Variants in DEPDC5 observed in about 807,000 individuals in gnomAD.
DEPDC5 encodes DEP domain containing 5, GATOR1 subcomplex subunit.
In DEPDC5, 73 loss-of-function variants were observed where a neutral mutation model predicts 217.3. The ratio of observed to expected loss-of-function variants is 0.34; its 90% CI spans 0.28 to 0.41. The LOEUF is 0.41. Ranked by LOEUF, DEPDC5 falls within the 10% of genes least tolerant of loss-of-function variation. The pLI, the probability that DEPDC5 is intolerant of heterozygous loss-of-function variation, is 1.00. For missense variants in DEPDC5, 1,675 were observed against 2,070.1 expected (o/e 0.81, Z 3.70); for synonymous variants, 733 against 756.7 (o/e 0.97, Z 0.51).
chr22:31,806,236 A>C, intron 18 of DEPDC5, 45 bp downstream of exon 18: 1 of 1,545,958 alleles, frequency 6.5e-7, no homozygotes, highest in Non-Finnish European at 8.9e-7. Flanking sequence ...TATGTGGTCC[A>C]GTCTTATCTT....
intron 29 of DEPDC5, 52 bp downstream of exon 29, chr22:31,843,864 G>A (rs1176343840): frequency 1.3e-6 from 2 of 1,512,666 alleles, no homozygotes; most frequent in African/African-American, 1.4e-5. Context: ...GCAAGGATGT[G>A]TATGTGTATT....
chr22:31,790,617 A>G lies in DEPDC5; in HGVS notation c.625-1416A>G, dbSNP rs189895243. ...CTTGTTCCCTAGACCACAATTCTGC[A>G]GAAATTAAAAAACACTGTAGGCCTG... is the stretch of plus-strand genomic sequence containing the variant. On this transcript the variant is annotated intron_variant, in intron 10 of 42. Transcript: ENST00000651528. Among the ~76,000 whole-genome samples, 244 of 152,314 alleles carry G rather than the reference A, an allele frequency of 1.6e-3. 2 individuals are homozygous for G. Among genetic ancestry groups the G allele is most frequent in the Non-Finnish European group, 5.4e-4 (37 of 68,030 alleles).
In DEPDC5 at chr22:31,906,551, C is replaced by T. The variant is rs561427018; in HGVS notation, c.*54C>T. On this transcript the variant is annotated 3_prime_UTR_variant, in exon 43 of 43. Transcript: ENST00000651528. This position sits in a 1 kb window ranked among gnomAD's most constrained non-coding sequence, Gnocchi z 5.1. ...GTGGGTGAGCCACTGCCCTCAAACCCGGGGCGGAGGATTCCAGGCAGGCTC... is the reference window on the plus strand; with the variant it reads ...GTGGGTGAGCCACTGCCCTCAAACCTGGGGCGGAGGATTCCAGGCAGGCTC... The T allele has an allele frequency of 9.4e-6, 15 of 1,590,998 alleles. No individual in the cohort carries two copies. The highest frequency in any genetic ancestry group is 1.3e-5 in the African/African-American group (1 of 74,706).
chr22:31,827,176 C>T (rs2090219566), intron 24 of DEPDC5, among the ~76,000 whole-genome samples: 1 of 152,004 alleles, frequency 6.6e-6, no homozygotes, highest in South Asian at 2.1e-4. Flanking sequence ...TTTCCCAGTC[C>T]CTTTATGTAA....
chr22:31,754,013 C>T (rs1217591859), upstream of DEPDC5: 1 of 149,452 alleles, frequency 6.7e-6, no homozygotes, highest in Non-Finnish European at 1.5e-5. Context: ...GCTACACGGT[C>T]GGGGCGGGCC....
chr22:31,798,267 A>G (rs949875049), intron 13 of DEPDC5, among the ~76,000 whole-genome samples: 5 of 152,042 alleles, frequency 3.3e-5, no homozygotes, highest in Non-Finnish European at 7.4e-5. Flanking sequence ...GTGATGTCTC[A>G]TGCCTGTAAT....
At position 31,837,040 on chromosome 22, in the gene DEPDC5, C is replaced by G. The variant is rs376699517; in HGVS notation, c.2239C>G (p.Leu747Val). Reference protein sequence around the residue: ...CCTVGVDWKSLTTPACLPLTT... With the variant: ...CCTVGVDWKSVTTPACLPLTT... The stretch of plus-strand genomic sequence containing the variant: ...CACAGTTGGAGTGGACTGGAAGTCT[C>G]TCACTACTCCGGCGTGCCTCCCCCT... Residue 747 changes from leucine (L) to valine (V), a missense_variant, in exon 26 of 43, where the codon CTC becomes GTC. Around this residue, in one of 11 missense-constraint regions of DEPDC5, gnomAD observed 8 missense variants for 30.3 expected, o/e 0.26. Coordinates refer to ENST00000651528, the MANE Select transcript of DEPDC5 (RefSeq NM_001242896.3). 1 of 1,614,166 alleles carries G rather than the reference C, an allele frequency of 6.2e-7. No homozygotes were observed. The highest frequency in any genetic ancestry group is 8.5e-7 in the Non-Finnish European group (1 of 1,180,026).
chr22:31,871,418 G>A (rs1159746085), intron 34 of DEPDC5, among the ~76,000 whole-genome samples: 1 of 152,188 alleles, frequency 6.6e-6, no homozygotes, highest in East Asian at 1.9e-4. Context: ...GCTGGCCTCT[G>A]TCAGGAGTCA....
At chr22:31,755,904 C>A (rs986727570) in intron 2 of DEPDC5, among the ~76,000 whole-genome samples, 1 of 151,260 alleles carries the variant, frequency 6.6e-6, no homozygotes, top group African/African-American at 2.4e-5. Flanking sequence ...GACAGAGTCT[C>A]GCTCTGTCAC....
chr22:31,815,276 G>A lies in DEPDC5; in HGVS notation c.1666+64G>A, dbSNP rs981657832. ...TTCTTAATATAGTGGGTGACTGGAG[G>A]TGGGAGGATTGGTCAGAGGTGGGGT... On this transcript the variant is annotated intron_variant, in intron 21 of 42. Coordinates refer to ENST00000651528, the MANE Select transcript of DEPDC5 (RefSeq NM_001242896.3). 2.5e-6 allele frequency: 4 copies of A among 1,574,606 alleles called. No homozygotes were observed. In the African/African-American group the frequency reaches 5.4e-5, roughly 21 times the overall value.
Position 31,754,988 on chromosome 22 carries a change from C to T in DEPDC5, c.58+9C>T, listed in dbSNP as rs376644371. Reference sequence around the variant, plus strand: ...GGGCTTTGGGGGCAGTGGTCAGTATCGATTGGTCTTTAGAGGTTTTGTAAG... The same window carrying T: ...GGGCTTTGGGGGCAGTGGTCAGTATTGATTGGTCTTTAGAGGTTTTGTAAG... On this transcript the variant is annotated intron_variant, in intron 2 of 42. Coordinates refer to ENST00000651528, the MANE Select transcript of DEPDC5 (RefSeq NM_001242896.3). The T allele has an allele frequency of 7.4e-6, 12 of 1,614,106 alleles. No individual in the cohort carries two copies. Among genetic ancestry groups the T allele is most frequent in the African/African-American group, 1.3e-5 (1 of 75,022 alleles).
In DEPDC5 at chr22:31,781,029, C is replaced by T. The variant is rs562800127; in HGVS notation, c.483+2861C>T. 9.2e-5 allele frequency among the ~76,000 whole-genome samples: 14 copies of T among 152,122 alleles called. No homozygotes were observed. In the South Asian group the frequency reaches 2.9e-3, roughly 32 times the overall value. ...GTCGGGAGTTTGAGACCAACCTGAC[C>T]AATATGGAGAAACCCCGTCTCTACT... is the stretch of plus-strand genomic sequence containing the variant. On this transcript the variant is annotated intron_variant, in intron 8 of 42. Coordinates refer to ENST00000651528, the MANE Select transcript of DEPDC5 (RefSeq NM_001242896.3).
intron 39 of DEPDC5, among the ~76,000 whole-genome samples, 165 bp from the exon 40 acceptor site, chr22:31,897,317 C>T (rs1282409464): frequency 6.6e-6 from 1 of 152,220 alleles, no homozygotes; most frequent in East Asian, 1.9e-4. Flanking sequence ...TGTTAAACTG[C>T]ATTTTTGCCT....
intron 24 of DEPDC5, among the ~76,000 whole-genome samples, chr22:31,827,463 T>G (rs1230440246): frequency 6.6e-6 from 1 of 152,254 alleles, no homozygotes; most frequent in Non-Finnish European, 1.5e-5. Flanking sequence ...CATCATCTTT[T>G]GCCTGGATGC....
intron 22 of DEPDC5, among the ~76,000 whole-genome samples, chr22:31,819,964 C>T (rs1487240061): frequency 6.6e-6 from 1 of 152,144 alleles, no homozygotes; most frequent in Non-Finnish European, 1.5e-5. Flanking sequence ...CCCCTGAATT[C>T]ACTTTTTCCT....
intron 26 of DEPDC5, among the ~76,000 whole-genome samples, chr22:31,837,614 C>T (rs950962760): frequency 5.9e-5 from 9 of 152,144 alleles, no homozygotes; most frequent in Non-Finnish European, 1.3e-4. Context: ...TGTTGCGTCC[C>T]AAAGTGCTGG....
At chr22:31,901,559 GCT>G (rs1408357854) in intron 40 of DEPDC5, among the ~76,000 whole-genome samples, 181 bp from the exon 41 acceptor site, 2 of 152,182 alleles carry the variant, frequency 1.3e-5, no homozygotes, top group East Asian at 3.8e-4. Flanking sequence ...TGAACACACA[GCT>G]GTCCTTTCTT....
Position 31,846,823 on chromosome 22 carries a change from C to T in DEPDC5, c.3022-11C>T, listed in dbSNP as rs754064117. 4 of 1,614,226 alleles carry T rather than the reference C, an allele frequency of 2.5e-6. No homozygotes were observed. The highest frequency in any genetic ancestry group is 3.3e-5 in the Admixed American group (2 of 60,030). On this transcript the variant is annotated splice_polypyrimidine_tract_variant and intron_variant, in intron 30 of 42. Coordinates refer to ENST00000651528, the MANE Select transcript of DEPDC5 (RefSeq NM_001242896.3). Reference sequence around the variant, plus strand: ...TTGGCTGATGGCCTTGTCTCCTCTTCTCTGCTTTAGAAAGGGACCGCCATG... The same window carrying T: ...TTGGCTGATGGCCTTGTCTCCTCTTTTCTGCTTTAGAAAGGGACCGCCATG...
chr22:31,901,717 ATATT>A (rs1254338818), intron 40 of DEPDC5, 21 bp from the exon 41 acceptor site: 1 of 1,598,734 alleles, frequency 6.3e-7, no homozygotes, highest in Non-Finnish European at 8.5e-7. Context: ...TCACAACCCA[ATATT>A]TATTCTTATT....
Sources: allele counts gnomAD v4.1 joint callset (sites outside exome capture counted in the v4.1 genomes callset), GRCh38; gene constraint gnomAD v4.1.1; regional missense constraint gnomAD v4.1.1; non-coding constraint Gnocchi (gnomAD v3.1); transcripts MANE v1.5; gene names NCBI Gene and HGNC (gene_info 2026-07-23, HGNC 2026-07-21).